Variants in WDR20 observed in about 807,000 individuals in gnomAD.
WDR20 encodes WD repeat-containing protein 20.
In WDR20, 3 loss-of-function variants were observed where a neutral mutation model predicts 38.7. The ratio of observed to expected loss-of-function variants is 0.08; its 90% CI spans 0.04 to 0.20. The LOEUF (loss-of-function observed/expected upper bound fraction) is 0.20, where lower values mean the gene tolerates loss of function less well. WDR20 is among the 10% of genes least tolerant of loss of function. WDR20 has a pLI of 1.00. For missense variants in WDR20, 559 were observed against 727.7 expected (o/e 0.77, Z 2.67); for synonymous variants, 298 against 285.6 (o/e 1.04, Z -0.44).
downstream of WDR20, among the ~76,000 whole-genome samples, chr14:102,217,308 C>A: frequency 6.6e-6 from 1 of 152,186 alleles, no homozygotes; most frequent in Non-Finnish European, 1.5e-5. Flanking sequence ...GACTTGCACA[C>A]GTTCTCTCTG....
At chr14:102,158,022 AATGT>A (rs2057820440) in intron 1 of WDR20, among the ~76,000 whole-genome samples, 1 of 151,634 alleles carries the variant, frequency 6.6e-6, no homozygotes, top group Non-Finnish European at 1.5e-5. Flanking sequence ...TTCCTTTCTC[AATGT>A]TTTCAGCCCC....
Position 102,181,834 on chromosome 14 carries a change from T to C in WDR20, c.250-13104T>C, listed in dbSNP as rs2152882971. Among the ~76,000 whole-genome samples, 4 of 152,252 alleles carry C rather than the reference T, an allele frequency of 2.6e-5. 1 individual carries two copies. Among genetic ancestry groups the C allele is most frequent in the Admixed American group, 2.6e-4 (4 of 15,284 alleles). ...GCGTTAAGTTTTGGATTATGGTTGA[T>C]TTTAGCCTTCAGTGTGGAGCTTCCT... is the stretch of plus-strand genomic sequence containing the variant. On this transcript the variant is annotated intron_variant, in intron 1 of 2. Transcript: ENST00000342702.
downstream of WDR20, chr14:102,210,531 G>A: frequency 1.0e-6 from 1 of 985,350 alleles, no homozygotes; most frequent in Non-Finnish European, 1.2e-6. Flanking sequence ...CAAAGAAGCA[G>A]TTTGTAGCAC....
At chr14:102,183,163 G>T (rs1435248508) in intron 1 of WDR20, among the ~76,000 whole-genome samples, 1 of 152,208 alleles carries the variant, frequency 6.6e-6, no homozygotes, top group Non-Finnish European at 1.5e-5. Context: ...CAAGTGCCAA[G>T]TGAGTAGTTG....
chr14:102,214,931 C>G (rs2063034536), downstream of WDR20: 4 of 984,904 alleles, frequency 4.1e-6, no homozygotes, highest in Non-Finnish European at 4.8e-6. Context: ...TTACTACATA[C>G]TTGATATTCT....
chr14:102,216,455 C>A (rs2063232526), downstream of WDR20, among the ~76,000 whole-genome samples: 1 of 152,180 alleles, frequency 6.6e-6, no homozygotes, highest in African/African-American at 2.4e-5. Flanking sequence ...CCAAACTCAG[C>A]TAATTTTTGT....
At chr14:102,213,891 T>C (rs2062870584), downstream of WDR20, 1 of 985,310 alleles carries the variant, frequency 1.0e-6, no homozygotes, top group Non-Finnish European at 1.2e-6. Context: ...CGCCACATCA[T>C]GCGTGTCTGA....
At chr14:102,193,640 G>A (rs1404813066) in intron 1 of WDR20, 7 of 834,646 alleles carry the variant, frequency 8.4e-6, no homozygotes, top group East Asian at 2.8e-5. Context: ...GCTCAAAGAC[G>A]CCTGTAATTT....
chr14:102,224,361 T>A, downstream of WDR20: 1 of 346,052 alleles, frequency 2.9e-6, no homozygotes, highest in Non-Finnish European at 5.6e-6. Context: ...TTTTCTTACT[T>A]GGTTGAAACC....
At chr14:102,217,613 C>T (rs1180086584), downstream of WDR20, among the ~76,000 whole-genome samples, 1 of 152,152 alleles carries the variant, frequency 6.6e-6, no homozygotes, top group Non-Finnish European at 1.5e-5. Context: ...CTGGGCTGGG[C>T]CCAGGGTTCC....
At chr14:102,193,380 G>C (rs2058866987) in intron 1 of WDR20, 2 of 1,432,764 alleles carry the variant, frequency 1.4e-6, no homozygotes, top group Admixed American at 3.4e-5. Context: ...CTCCAGTCAG[G>C]ACTCCCTTTT....
rs1042432792 is a variant in WDR20, at chr14:102,221,922, C to G, written c.1693-908C>G. On this transcript the variant is annotated intron_variant, in intron 3 of 3. Coordinates refer to the WDR20 transcript ENST00000335263. This position sits in a 1 kb window ranked among gnomAD's most constrained non-coding sequence, Gnocchi z 4.8. The stretch of plus-strand genomic sequence containing the variant: ...GTGCACCTTTGGGGCTGCACTGTCG[C>G]CATCTTAATGTTCTTCATAAATGAA... Among the ~76,000 whole-genome samples the G allele has an allele frequency of 1.1e-4, 17 of 152,250 alleles. No individual in the cohort carries two copies. Among genetic ancestry groups the G allele is most frequent in the African/African-American group, 4.1e-4 (17 of 41,526 alleles).
chr14:102,169,953 A>C (rs1305272538), intron 1 of WDR20, among the ~76,000 whole-genome samples: 1 of 152,162 alleles, frequency 6.6e-6, no homozygotes, highest in East Asian at 1.9e-4. Flanking sequence ...CATGCAATGA[A>C]GTCTCTCACA....
At chr14:102,204,134 G>A (rs1307203789) in intron 2 of WDR20, among the ~76,000 whole-genome samples, 2 of 152,196 alleles carry the variant, frequency 1.3e-5, no homozygotes, top group East Asian at 1.9e-4. Context: ...GGTGATGTGT[G>A]TCTGTGGAAC....
chr14:102,187,177 G>A (rs988793678), intron 1 of WDR20, among the ~76,000 whole-genome samples: 1 of 152,140 alleles, frequency 6.6e-6, no homozygotes, highest in Admixed American at 6.5e-5. Context: ...GTTCTCTTCT[G>A]ATTTTCAAAA....
intron 1 of WDR20, among the ~76,000 whole-genome samples, chr14:102,161,144 T>TATATATATA (rs1374208711): frequency 1.6e-3 from 12 of 7,282 alleles, no homozygotes; most frequent in East Asian, 0.014. Context: ...ATATATATAT[T>TATATATATA]TTTTTTTTTT....
chr14:102,194,221 C>A (rs537732315), intron 1 of WDR20, among the ~76,000 whole-genome samples: 2 of 152,284 alleles, frequency 1.3e-5, no homozygotes, highest in South Asian at 4.1e-4. Context: ...GGATTAAGGA[C>A]AATGCATGTA....
chr14:102,201,668 A>G (rs533211166), intron 2 of WDR20, among the ~76,000 whole-genome samples: 32 of 152,336 alleles, frequency 2.1e-4, no homozygotes, highest in East Asian at 5.8e-4. Context: ...CCCACAGAGC[A>G]CTGGCCCAGA....
At chr14:102,164,957 AAGTT>A (rs2059469443) in intron 1 of WDR20, among the ~76,000 whole-genome samples, 1 of 152,226 alleles carries the variant, frequency 6.6e-6, no homozygotes, top group South Asian at 2.1e-4. Flanking sequence ...GTGAAAGCGC[AAGTT>A]AGTTTGTTAG....
Sources: gnomAD v4.1 joint callset for allele counts (sites outside exome capture counted in the v4.1 genomes callset) on GRCh38, gnomAD v4.1.1 for gene constraint, Gnocchi (gnomAD v3.1) non-coding constraint, MANE v1.5 for transcripts, NCBI Gene and HGNC (gene_info 2026-07-23, HGNC 2026-07-21) for gene names.